The following CNTNAP4 variants were observed in gnomAD, a reference collection of about 807,000 sequenced individuals.
The protein encoded by CNTNAP4 is contactin associated protein family member 4.
A neutral mutation model predicts 148.4 loss-of-function variants in CNTNAP4; 98 were observed. The observed-to-expected ratio is 0.66, with a 90% confidence interval of 0.56 to 0.78. The LOEUF is 0.78. CNTNAP4 is among the 30% of genes least tolerant of loss of function. The pLI is 0.00. For missense variants in CNTNAP4, 1,935 were observed against 1,565.6 expected (o/e 1.24, Z -3.98); for synonymous variants, 730 against 565.1 (o/e 1.29, Z -4.14).
chr16:76,452,336 C>A (rs1213715091), intron 7 of CNTNAP4, among the ~76,000 whole-genome samples, 172 bp from the exon 8 acceptor site: 2 of 152,120 alleles, frequency 1.3e-5, no homozygotes, highest in Non-Finnish European at 2.9e-5. Context: ...AAGAGCAGAG[C>A]AAAGGGTTGA....
chr16:76,283,371 G>A (rs1414650671), intron 1 of CNTNAP4, among the ~76,000 whole-genome samples: 1 of 151,912 alleles, frequency 6.6e-6, no homozygotes, highest in Non-Finnish European at 1.5e-5. Context: ...TATGTTCATT[G>A]CAGCACTCTT....
chr16:76,415,528 C>G (rs955387867), intron 3 of CNTNAP4, among the ~76,000 whole-genome samples: 1 of 151,016 alleles, frequency 6.6e-6, no homozygotes, highest in South Asian at 2.1e-4. Context: ...TTTTATAGTA[C>G]AATACTATTT....
intron 1 of CNTNAP4, among the ~76,000 whole-genome samples, chr16:76,308,807 C>G (rs1960776769): frequency 6.6e-6 from 1 of 152,096 alleles, no homozygotes; most frequent in South Asian, 2.1e-4. Context: ...TGGAGCTAAG[C>G]CATAGAATTT....
At chr16:76,434,224 A>C (rs765387524) in intron 4 of CNTNAP4, among the ~76,000 whole-genome samples, 11 of 151,766 alleles carry the variant, frequency 7.2e-5, no homozygotes, top group East Asian at 1.9e-4. Context: ...ATTAAGTATT[A>C]TCGTTAAGTA....
intron 1 of CNTNAP4, among the ~76,000 whole-genome samples, chr16:76,283,471 C>A (rs2018257): frequency 6.6e-6 from 1 of 151,754 alleles, no homozygotes; most frequent in African/African-American, 2.4e-5. Context: ...TGGAATACTA[C>A]GTAGTCACAA....
chr16:76,447,419 G>A (rs1252996452), intron 4 of CNTNAP4, among the ~76,000 whole-genome samples: 1 of 151,568 alleles, frequency 6.6e-6, no homozygotes, highest in Non-Finnish European at 1.5e-5. Flanking sequence ...CATGAATTTT[G>A]TAAACAGGTT....
At chr16:76,527,600 CT>C (rs2083796872) in intron 17 of CNTNAP4, among the ~76,000 whole-genome samples, 1 of 151,902 alleles carries the variant, frequency 6.6e-6, no homozygotes, top group African/African-American at 2.4e-5. Flanking sequence ...CTTTATTCTT[CT>C]AATAAGAATG....
intron 3 of CNTNAP4, among the ~76,000 whole-genome samples, chr16:76,386,793 T>G (rs2144737995): frequency 6.6e-6 from 1 of 152,302 alleles, no homozygotes; most frequent in South Asian, 2.1e-4. Flanking sequence ...GTTAATCAGA[T>G]GATCATAGTA....
chr16:76,325,931 A>G (rs953202297), intron 2 of CNTNAP4, among the ~76,000 whole-genome samples: 1 of 152,070 alleles, frequency 6.6e-6, no homozygotes, highest in African/African-American at 2.4e-5. Context: ...TCAATAAATA[A>G]AAAAAATTAA....
rs1470685726 is a variant in CNTNAP4 at position 76,374,609 on chromosome 16, G to A, written c.390+19098G>A. Among the ~76,000 whole-genome samples, 6 of 151,860 alleles carry A rather than the reference G, an allele frequency of 4.0e-5. No individual in the cohort carries two copies. In the South Asian group the frequency reaches 6.2e-4, roughly 16 times the overall value. ...TTGTTCTCATAAAATCAAATTCTTT[G>A]TATTTATGTACACACAAACATTGAA... On this transcript the variant is annotated intron_variant, in intron 3 of 23. Transcript: ENST00000611870.
intron 2 of CNTNAP4, among the ~76,000 whole-genome samples, chr16:76,338,766 C>T (rs1361385152): frequency 2.0e-5 from 3 of 152,184 alleles, no homozygotes; most frequent in African/African-American, 7.2e-5. Context: ...TGTAACCTTT[C>T]ATAAGTGACT....
intron 4 of CNTNAP4, among the ~76,000 whole-genome samples, chr16:76,446,278 C>T (rs9673676): frequency 0.31 from 47,470 of 151,964 alleles, 8,876 homozygotes; most frequent in Non-Finnish European, 0.41. Flanking sequence ...AATGTCATTT[C>T]GTTGACTGGA....
At chr16:76,325,634 C>T (rs911576720) in intron 2 of CNTNAP4, among the ~76,000 whole-genome samples, 3 of 151,906 alleles carry the variant, frequency 2.0e-5, no homozygotes, top group African/African-American at 7.3e-5. Context: ...CAGATTAGAC[C>T]ATAATTCATG....
chr16:76,505,858 C>G (rs1361848065), intron 15 of CNTNAP4, among the ~76,000 whole-genome samples: 1 of 96,300 alleles, frequency 1.0e-5, no homozygotes, highest in Non-Finnish European at 2.9e-5. Context: ...TATGATTGCA[C>G]CACTGCACTA....
intron 2 of CNTNAP4, among the ~76,000 whole-genome samples, chr16:76,349,853 A>G (rs1434480542): frequency 1.3e-5 from 2 of 152,120 alleles, no homozygotes; most frequent in Non-Finnish European, 1.5e-5. Flanking sequence ...TGCAGTCTCT[A>G]CTTGAATAAA....
chr16:76,433,704 G>A lies in CNTNAP4; in HGVS notation c.538+6105G>A, dbSNP rs534317580. ...GTCTGGTTAGGGGGAAGAATGAAAA[G>A]CAATAAATTGGTTAGATTTATTAAA... On this transcript the variant is annotated intron_variant, in intron 4 of 23. Coordinates refer to ENST00000611870, the MANE Select transcript of CNTNAP4 (RefSeq NM_033401.5). Among the ~76,000 whole-genome samples, 73 of 152,136 alleles carry A rather than the reference G, an allele frequency of 4.8e-4. 1 individual carries two copies. Among genetic ancestry groups the A allele is most frequent in the African/African-American group, 1.6e-3 (65 of 41,526 alleles).
At chr16:76,459,000 A>G (rs1597610284) in intron 8 of CNTNAP4, among the ~76,000 whole-genome samples, 1 of 152,184 alleles carries the variant, frequency 6.6e-6, no homozygotes, top group South Asian at 2.1e-4. Context: ...CATATTTTAT[A>G]AAAGTATCAA....
intron 4 of CNTNAP4, among the ~76,000 whole-genome samples, chr16:76,432,764 T>C (rs2079654378): frequency 6.6e-6 from 1 of 152,166 alleles, no homozygotes; most frequent in Non-Finnish European, 1.5e-5. Flanking sequence ...AATTTCCTTT[T>C]CTCTAGTTAC....
chr16:76,355,511 G>C lies in CNTNAP4; in HGVS notation c.390G>C (p.Trp130Cys), dbSNP rs2012480094. 3 of 1,593,698 alleles carry C rather than the reference G, an allele frequency of 1.9e-6. No homozygotes were observed. The highest frequency in any genetic ancestry group is 1.8e-5 in the Admixed American group (1 of 56,546). ...AATATCGCCAAGAGGACAGCATCTG[G>C]GTATGTTCTTTAACAAAAGACATAG... is the stretch of plus-strand genomic sequence containing the variant. ...WKQYRQEDSI[W>C]GFSGNANADS... The change falls in exon 3 of 24, where the codon TGG (tryptophan) becomes TGC (cysteine). Residue 130 changes from tryptophan (W) to cysteine (C), a missense_variant and splice_region_variant. Physicochemically the swap from Trp to Cys is radical, Grantham distance 215. Transcript: ENST00000611870.
Sources: allele counts gnomAD v4.1 joint callset (sites outside exome capture counted in the v4.1 genomes callset), GRCh38; gene constraint gnomAD v4.1.1; transcripts MANE v1.5; gene names NCBI Gene and HGNC (gene_info 2026-07-23, HGNC 2026-07-21).